LCT: variants seen among roughly 807,000 people sequenced by gnomAD.
The protein encoded by LCT is lactase.
A neutral mutation model predicts 173.0 loss-of-function variants in LCT; 90 were observed. The observed-to-expected ratio is 0.52, with a 90% CI of 0.44 to 0.62. LCT has a LOEUF of 0.62. LCT is among the 20% of genes least tolerant of loss of function. LCT has a pLI of 0.00. For synonymous variants in LCT, 853 were observed against 957.6 expected, an observed-to-expected ratio of 0.89 and a Z score of 2.02; for missense variants, 1,864 against 2,431.4, an observed-to-expected ratio of 0.77 and a Z score of 4.91.
intron 8 of LCT, 109 bp downstream of exon 8, chr2:135,808,334 A>G (rs2077694547): frequency 1.1e-6 from 1 of 909,916 alleles, no homozygotes; most frequent in African/African-American, 1.6e-5. Flanking sequence ...GTTGGGACCT[A>G]AGAGAGAGAT....
chr2:135,814,992 G>C (rs968998092), intron 6 of LCT, among the ~76,000 whole-genome samples: 1 of 152,064 alleles, frequency 6.6e-6, no homozygotes, highest in Non-Finnish European at 1.5e-5. Context: ...CATGGTGGTG[G>C]TATTAGTGTC....
At chr2:135,810,456 A>T (rs2105535547) in intron 7 of LCT, among the ~76,000 whole-genome samples, 1 of 152,326 alleles carries the variant, frequency 6.6e-6, no homozygotes, top group East Asian at 1.9e-4. Context: ...AATCCACAAG[A>T]TCCTCACAAA....
intron 7 of LCT, among the ~76,000 whole-genome samples, chr2:135,811,163 G>T (rs949995142): frequency 9.2e-5 from 14 of 151,992 alleles, no homozygotes; most frequent in Admixed American, 5.9e-4. Flanking sequence ...CTCAGATCAG[G>T]TCAGTGTACT....
rs760712703 is a variant in LCT, at chr2:135,836,746, G to A, written c.424C>T (p.Arg142Trp). 32 of 1,614,036 alleles carry A rather than the reference G, an allele frequency of 2.0e-5. No individual in the cohort carries two copies. Among genetic ancestry groups the A allele is most frequent in the South Asian group, 8.8e-5 (8 of 91,080 alleles). ...AGGTCAGCAAAGGCTTCGGTTCTCC[G>A]GAGGGTGCTGGCAGGGAGGGTCTGG... ...HHQTLPASTL[R>W]RTEAFADLFA... Residue 142 changes from arginine (R) to tryptophan (W), a missense_variant, in exon 1 of 17, where the codon CGG becomes TGG. Around this residue, in one of 4 missense-constraint regions of LCT, gnomAD observed 412 missense variants for 462.0 expected, o/e 0.89. Transcript: ENST00000264162.
intron 2 of LCT, among the ~76,000 whole-genome samples, chr2:135,832,352 A>G (rs934931538): frequency 2.0e-5 from 3 of 151,770 alleles, no homozygotes; most frequent in Non-Finnish European, 2.9e-5. Context: ...AGTTGGAAGT[A>G]GAGGCTGCAG....
At chr2:135,795,608 T>C (rs1348862755) in intron 13 of LCT, among the ~76,000 whole-genome samples, 2 of 147,746 alleles carry the variant, frequency 1.4e-5, no homozygotes, top group Non-Finnish European at 3.0e-5. Context: ...CCAACTCTAA[T>C]AATAATAATA....
At chr2:135,835,965 A>G (rs10928552) in intron 1 of LCT, among the ~76,000 whole-genome samples, 129,634 of 131,660 alleles carry the variant, frequency 0.98, 63,850 homozygotes, top group South Asian at 1. Flanking sequence ...GTATTTCAAA[A>G]ATACATGTGT....
At chr2:135,800,887 T>A (rs1197705618) in intron 11 of LCT, 78 bp from the exon 12 acceptor site, 6 of 1,133,216 alleles carry the variant, frequency 5.3e-6, no homozygotes, top group African/African-American at 1.5e-5. Flanking sequence ...TGCCTGCAGA[T>A]GTCCCCTCTG....
rs185379896 is a variant in LCT, at chr2:135,833,848, A to T, written c.641-658T>A. On this transcript the variant is annotated intron_variant, in intron 1 of 16. Transcript: ENST00000264162. ...TTTCATTTTTCTGAACAGAAATTCT[A>T]CTCCCATTAAAGAGCTCTCCATTTC... is the stretch of plus-strand genomic sequence containing the variant. Among the ~76,000 whole-genome samples, 225 of 152,042 alleles carry T rather than the reference A, an allele frequency of 1.5e-3. 1 individual carries two copies. Among genetic ancestry groups the T allele is most frequent in the African/African-American group, 5.0e-3 (209 of 41,458 alleles).
At chr2:135,835,484 A>ATG (rs2077978960) in intron 1 of LCT, among the ~76,000 whole-genome samples, 2 of 6,426 alleles carry the variant, frequency 3.1e-4, no homozygotes, top group East Asian at 5.8e-3. Flanking sequence ...ACATAGAAGT[A>ATG]TATATATATA....
rs547811333 is a variant in LCT, at chr2:135,807,785, G to A, written c.3905-389C>T. On this transcript the variant is annotated intron_variant, in intron 8 of 16. Transcript: ENST00000264162. ...GATCACACCATTGCACTCCAGCCTGGGCAACAGAGTGAGACTGTCTCAAAA... is the reference window on the plus strand; with the variant it reads ...GATCACACCATTGCACTCCAGCCTGAGCAACAGAGTGAGACTGTCTCAAAA... Among the ~76,000 whole-genome samples the A allele has an allele frequency of 6.7e-5, 10 of 149,138 alleles. No homozygotes were observed. The South Asian group carries it at 2.1e-3, about 32-fold the overall frequency.
intron 14 of LCT, chr2:135,794,230 AAAT>A (rs2077559251): frequency 6.2e-6 from 1 of 161,328 alleles, no homozygotes; most frequent in African/African-American, 2.4e-5. Flanking sequence ...TAAAAAGAGA[AAAT>A]AAAATTTTAC....
chr2:135,809,586 C>A lies in LCT; in HGVS notation c.2761G>T (p.Ala921Ser), dbSNP rs149891578. The A allele has an allele frequency of 4.3e-5, 70 of 1,614,212 alleles. 1 individual carries two copies. The East Asian group carries it at 4.5e-4, about 10-fold the overall frequency. ...GGGCCTTTGCCATCGGCATCCCACGCGCCTTCAATCTGATAAGCGGAAGAG... is the reference window on the plus strand; with the variant it reads ...GGGCCTTTGCCATCGGCATCCCACGAGCCTTCAATCTGATAAGCGGAAGAG... ...VSSSAYQIEG[A>S]WDADGKGPSI... Residue 921 changes from alanine (A) to serine (S), a missense_variant, in exon 8 of 17, where the codon GCG becomes TCG. Coordinates refer to ENST00000264162, the MANE Select transcript of LCT (RefSeq NM_002299.4). This position sits in a 1 kb window ranked among gnomAD's most constrained non-coding sequence, Gnocchi z 5.5.
intron 12 of LCT, among the ~76,000 whole-genome samples, chr2:135,799,015 C>T (rs2077604865): frequency 6.6e-6 from 1 of 152,116 alleles, no homozygotes; most frequent in Non-Finnish European, 1.5e-5. Flanking sequence ...CCTAACGTTT[C>T]CTGACGTTTG....
chr2:135,804,150 T>C (rs376067829), intron 10 of LCT, 22 bp from the exon 11 acceptor site: 2 of 1,598,374 alleles, frequency 1.3e-6, no homozygotes, highest in Non-Finnish European at 1.7e-6. Flanking sequence ...CCAGATCAGC[T>C]GTTGCATCAG....
rs367984436 is a variant in LCT, at chr2:135,809,038, T to C, written c.3309A>G (p.Arg1103=). 7 of 1,612,528 alleles carry C rather than the reference T, an allele frequency of 4.3e-6. No homozygotes were observed. In the African/African-American group the frequency reaches 8.0e-5, roughly 18 times the overall value. ...IAHAVIKAHA[R]VYHTYDEKYR... is the part of the protein sequence containing the mutation. ...ATTTCTCATCGTACGTGTGATAGAC[T>C]CTGGCATGGGCTTTGATGACGGCGT... Residue 1103 remains arginine (R), a synonymous_variant, in exon 8 of 17, where the codon AGA becomes AGG. Transcript: ENST00000264162. The surrounding 1 kb of genome is among the most constrained non-coding windows in gnomAD (Gnocchi z 5.5).
chr2:135,812,891 T>C lies in LCT; in HGVS notation c.1773A>G (p.Pro591=), dbSNP rs1450301262. 6.2e-7 allele frequency: 1 copy of C among 1,614,104 alleles called. No homozygotes were observed. The highest frequency in any genetic ancestry group is 2.2e-5 in the East Asian group (1 of 44,906). The part of the protein sequence containing the change: ...TWHHYNSHHR[P]QQQGHVGIVL... ...CAATGCCCACGTGCCCCTGCTGCTG[T>C]GGGCGATGATGGCTGTTGTAGTGGT... Residue 591 remains proline (P), a synonymous_variant, in exon 7 of 17, where the codon CCA becomes CCG. Transcript: ENST00000264162.
chr2:135,795,023 ACACGCACC>A (rs2077570240), intron 13 of LCT, among the ~76,000 whole-genome samples: 1 of 113,008 alleles, frequency 8.8e-6, no homozygotes. Flanking sequence ...GACCACACAC[ACACGCACC>A]CACGCGCGCG....
intron 5 of LCT, among the ~76,000 whole-genome samples, chr2:135,819,619 C>A (rs1340054724): frequency 2.6e-5 from 4 of 152,170 alleles, no homozygotes; most frequent in Non-Finnish European, 4.4e-5. Context: ...GTCTTCCGAA[C>A]CTAAGAGCCT....
Sources: allele counts gnomAD v4.1 joint callset (sites outside exome capture counted in the v4.1 genomes callset), GRCh38; gene constraint gnomAD v4.1.1; regional missense constraint gnomAD v4.1.1; non-coding constraint Gnocchi (gnomAD v3.1); transcripts MANE v1.5; gene names NCBI Gene and HGNC (gene_info 2026-07-23, HGNC 2026-07-21).